The following ATP10A variants were observed in gnomAD, a reference collection of about 807,000 sequenced individuals.
ATP10A encodes ATPase phospholipid transporting 10A (putative), also known as phospholipid-transporting ATPase VA.
In ATP10A, 111 loss-of-function variants were observed where a neutral mutation model predicts 147.8. The ratio of observed to expected loss-of-function variants is 0.75; its 90% CI spans 0.64 to 0.88. ATP10A has a LOEUF of 0.88. Among genes scored for constraint, ATP10A ranks in the 40% least tolerant of loss-of-function variants. The pLI is 0.00. For synonymous variants in ATP10A, 875 were observed against 841.6 expected (o/e 1.04, Z -0.69); for missense variants, 1,927 against 1,959.0 (o/e 0.98, Z 0.31).
chr15:25,838,830 T>A (rs1283570539), intron 1 of ATP10A, among the ~76,000 whole-genome samples: 1 of 152,152 alleles, frequency 6.6e-6, no homozygotes, highest in Non-Finnish European at 1.5e-5. Flanking sequence ...AGAAGCAGCC[T>A]TTCTTTATGG....
At chr15:25,753,003 G>A (rs1023692197) in intron 2 of ATP10A, among the ~76,000 whole-genome samples, 14 of 152,058 alleles carry the variant, frequency 9.2e-5, no homozygotes, top group African/African-American at 3.4e-4. Flanking sequence ...GGGGTATAAA[G>A]TAATGGTATA....
chr15:25,863,931 A>C (rs1328383201), upstream of ATP10A, among the ~76,000 whole-genome samples: 1 of 152,122 alleles, frequency 6.6e-6, no homozygotes, highest in Non-Finnish European at 1.5e-5. Context: ...TCCTAAATAA[A>C]TTCTTTTTCT....
chr15:25,782,078 A>G (rs1020176995), intron 1 of ATP10A, among the ~76,000 whole-genome samples: 16 of 152,366 alleles, frequency 1.1e-4, no homozygotes, highest in Admixed American at 8.5e-4. Context: ...CAGGTGAATA[A>G]TAAACAAAAT....
Position 25,683,362 on chromosome 15 carries a change from C to A in ATP10A, c.3416G>T (p.Gly1139Val), listed in dbSNP as rs1899530399. The change falls in exon 17 of 21, where the codon GGG (glycine) becomes GTG (valine). Residue 1139 changes from glycine (G) to valine (V), a missense_variant. By Grantham distance (109) the Gly-to-Val change is moderately radical (BLOSUM62 -3). Coordinates refer to ENST00000555815, the MANE Select transcript of ATP10A (RefSeq NM_024490.4). ...GGCTGGCACATCCCTGTCCAGCACC[C>A]CAGTCACGAGCGGGGGAAGTGACGA... Reference protein sequence around the residue: ...LFSSLPPLVTGVLDRDVPANV... With the variant: ...LFSSLPPLVTVVLDRDVPANV... The A allele has an allele frequency of 6.2e-7, 1 of 1,614,106 alleles. No individual in the cohort carries two copies. The highest frequency in any genetic ancestry group is 8.5e-7 in the Non-Finnish European group (1 of 1,180,016).
chr15:25,813,857 T>TG (rs1030250170), intron 1 of ATP10A, among the ~76,000 whole-genome samples: 1 of 151,968 alleles, frequency 6.6e-6, no homozygotes, highest in Non-Finnish European at 1.5e-5. Flanking sequence ...AGACTTTTTT[T>TG]TTTAAAGATA....
At chr15:25,808,791 T>C (rs1026196236) in intron 1 of ATP10A, among the ~76,000 whole-genome samples, 1 of 152,206 alleles carries the variant, frequency 6.6e-6, no homozygotes, top group Non-Finnish European at 1.5e-5. Flanking sequence ...TGTGCCAGTA[T>C]ACCAACTTTA....
At chr15:25,720,267 C>T (rs1033515607) in intron 7 of ATP10A, among the ~76,000 whole-genome samples, 2 of 152,146 alleles carry the variant, frequency 1.3e-5, no homozygotes, top group African/African-American at 4.8e-5. Flanking sequence ...TTAAATCATG[C>T]TAATTAACAA....
At chr15:25,685,027 AC>A (rs1321462869) in intron 16 of ATP10A, among the ~76,000 whole-genome samples, 2 of 151,892 alleles carry the variant, frequency 1.3e-5, no homozygotes, top group South Asian at 2.1e-4. Flanking sequence ...TCGCTCACTC[AC>A]CCCCGCAGGC....
intron 1 of ATP10A, among the ~76,000 whole-genome samples, chr15:25,830,017 G>A (rs1892285728): frequency 6.6e-6 from 1 of 152,124 alleles, no homozygotes. Flanking sequence ...GGTGGTTAGG[G>A]TAAGCTAGGA....
chr15:25,816,069 G>T (rs1359852933), intron 1 of ATP10A, among the ~76,000 whole-genome samples: 1 of 150,776 alleles, frequency 6.6e-6, no homozygotes, highest in East Asian at 1.9e-4. Flanking sequence ...GGAAAATTAA[G>T]AATATTTTTT....
chr15:25,686,798 C>T (rs547929048), intron 16 of ATP10A, among the ~76,000 whole-genome samples: 1 of 107,560 alleles, frequency 9.3e-6, no homozygotes, highest in East Asian at 2.8e-4. Context: ...AACTCTGAGA[C>T]GGCCATGTGG....
At chr15:25,860,614 A>G (rs11161243) in intron 1 of ATP10A, among the ~76,000 whole-genome samples, 68,219 of 152,046 alleles carry the variant, frequency 0.45, 18,406 homozygotes, top group East Asian at 0.59. Context: ...GTAAGGAAGA[A>G]GACAGAGTCT....
At chr15:25,701,686 C>T (rs543649041) in intron 13 of ATP10A, among the ~76,000 whole-genome samples, 1 of 152,254 alleles carries the variant, frequency 6.6e-6, no homozygotes, top group Non-Finnish European at 1.5e-5. Context: ...TCAGGAGAAA[C>T]CAGGCTGAAC....
intron 1 of ATP10A, among the ~76,000 whole-genome samples, chr15:25,815,149 G>C (rs1021712357): frequency 6.6e-6 from 1 of 152,046 alleles, no homozygotes. Flanking sequence ...CAGAAGTTAC[G>C]CTCCATGAAA....
chr15:25,741,479 T>C (rs1887581138), intron 2 of ATP10A, among the ~76,000 whole-genome samples: 1 of 152,222 alleles, frequency 6.6e-6, no homozygotes, highest in South Asian at 2.1e-4. Context: ...ATCCGGCTCC[T>C]TAGCTCCTTA....
chr15:25,795,329 C>G (rs756244098), intron 1 of ATP10A, among the ~76,000 whole-genome samples: 2 of 152,256 alleles, frequency 1.3e-5, no homozygotes, highest in Non-Finnish European at 2.9e-5. Context: ...CCTGCGCCAA[C>G]TTGGCACCTC....
At chr15:25,689,255 A>T (rs1249278632) in intron 15 of ATP10A, among the ~76,000 whole-genome samples, 1 of 152,212 alleles carries the variant, frequency 6.6e-6, no homozygotes, top group Non-Finnish European at 1.5e-5. Context: ...GAATTCTAGG[A>T]GAGCAGGATC....
Position 25,733,787 on chromosome 15 carries a change from A to G in ATP10A, c.740+2269T>C, listed in dbSNP as rs1887102697. 2.6e-5 allele frequency among the ~76,000 whole-genome samples: 4 copies of G among 152,314 alleles called. No homozygotes were observed. In the South Asian group the frequency reaches 8.3e-4, roughly 32 times the overall value. On this transcript the variant is annotated intron_variant, in intron 3 of 20. Coordinates refer to ENST00000555815, the MANE Select transcript of ATP10A (RefSeq NM_024490.4). ...GACGATGGGTGGAGTACACGAGGAG[A>G]CAACACGACATGACTGAGGGCAAAG...
At chr15:25,815,753 A>C (rs1891629222) in intron 1 of ATP10A, among the ~76,000 whole-genome samples, 1 of 152,228 alleles carries the variant, frequency 6.6e-6, no homozygotes, top group African/African-American at 2.4e-5. Context: ...GGAAATGTTA[A>C]AAGACTGTTT....
Sources: allele counts gnomAD v4.1 joint callset (sites outside exome capture counted in the v4.1 genomes callset), GRCh38; gene constraint gnomAD v4.1.1; transcripts MANE v1.5; gene names NCBI Gene and HGNC (gene_info 2026-07-23, HGNC 2026-07-21).